TPTE2: variants seen among roughly 807,000 people sequenced by gnomAD.
TPTE2 encodes the protein transmembrane phosphoinositide 3-phosphatase and tensin homolog 2.
A neutral mutation model predicts 78.6 loss-of-function variants in TPTE2; 53 were observed. The ratio of observed to expected loss-of-function variants is 0.67; its 90% CI spans 0.54 to 0.85. The LOEUF (loss-of-function observed/expected upper bound fraction) is 0.85. Ranked by LOEUF, TPTE2 falls within the 40% of genes least tolerant of loss-of-function variation. TPTE2 has a pLI of 0.00. For synonymous variants in TPTE2, 175 were observed against 206.2 expected (o/e 0.85, Z 1.30); for missense variants, 461 against 623.0 (o/e 0.74, Z 2.77).
At chr13:19,451,829 G>C (rs1878205758) in intron 10 of TPTE2, among the ~76,000 whole-genome samples, 1 of 116,992 alleles carries the variant, frequency 8.5e-6, no homozygotes, top group African/African-American at 2.7e-5. Context: ...GTGTGTGTGT[G>C]TGTGTGTGTG....
chr13:19,509,747 T>TA (rs760564953), intron 1 of TPTE2, among the ~76,000 whole-genome samples: 7 of 151,958 alleles, frequency 4.6e-5, no homozygotes, highest in Non-Finnish European at 7.4e-5. Context: ...ATTGTGGTAA[T>TA]AAAAAAAGGT....
intron 11 of TPTE2, 133 bp downstream of exon 14, chr13:19,451,032 G>C (rs1213522698): frequency 2.7e-6 from 3 of 1,102,546 alleles, no homozygotes; most frequent in Non-Finnish European, 3.8e-6. Flanking sequence ...GTCCAAGATG[G>C]GGATTTTTAA....
At chr13:19,542,409 A>C in the TPTE2 span, among the ~76,000 whole-genome samples, 1 of 152,202 alleles carries the variant, frequency 6.6e-6, no homozygotes, top group Non-Finnish European at 1.5e-5. Context: ...TTTAAAAAAT[A>C]AATCTGGACA....
At chr13:19,516,650 C>T (rs1167291515) in intron 1 of TPTE2, among the ~76,000 whole-genome samples, 1 of 152,208 alleles carries the variant, frequency 6.6e-6, no homozygotes, top group Non-Finnish European at 1.5e-5. Context: ...AATGGGACCA[C>T]TGGGGCCCTT....
intron 1 of TPTE2, among the ~76,000 whole-genome samples, chr13:19,511,407 AATGT>A (rs1297748031): frequency 2.0e-5 from 3 of 152,248 alleles, no homozygotes; most frequent in Non-Finnish European, 4.4e-5. Flanking sequence ...AACACATATA[AATGT>A]ATATACTGTA....
At chr13:19,526,535 T>C (rs929424137) in intron 1 of TPTE2, among the ~76,000 whole-genome samples, 13 of 151,790 alleles carry the variant, frequency 8.6e-5, no homozygotes, top group Non-Finnish European at 1.3e-4. Flanking sequence ...TGGGCACAAA[T>C]ATGGGAACAA....
intron 1 of TPTE2, among the ~76,000 whole-genome samples, chr13:19,501,569 T>A (rs1335580921): frequency 6.6e-6 from 1 of 151,270 alleles, no homozygotes; most frequent in Non-Finnish European, 1.5e-5. Context: ...CCCTATTTAA[T>A]AAATGGTGCT....
At chr13:19,476,054 T>C (rs542630557) in intron 4 of TPTE2, among the ~76,000 whole-genome samples, 1 of 152,216 alleles carries the variant, frequency 6.6e-6, no homozygotes, top group South Asian at 2.1e-4. Context: ...GGAATGAGCA[T>C]AGGGAGAGTA....
chr13:19,431,549 T>G (rs186021044), intron 16 of TPTE2, among the ~76,000 whole-genome samples: 1 of 149,890 alleles, frequency 6.7e-6, no homozygotes, highest in African/African-American at 2.5e-5. Context: ...GTGTATTAAT[T>G]ATCTTTGATT....
intron 1 of TPTE2, among the ~76,000 whole-genome samples, chr13:19,531,222 C>A (rs969598887): frequency 1.3e-5 from 2 of 152,152 alleles, no homozygotes; most frequent in African/African-American, 2.4e-5. Flanking sequence ...TACATCTATA[C>A]CTCATTTTGT....
chr13:19,513,777 G>A (rs1869613857), intron 1 of TPTE2, among the ~76,000 whole-genome samples: 2 of 152,144 alleles, frequency 1.3e-5, no homozygotes, highest in South Asian at 2.1e-4. Context: ...CTTTATTACT[G>A]AACCAGATCA....
intron 1 of TPTE2, among the ~76,000 whole-genome samples, chr13:19,500,698 T>G (rs1223213713): frequency 4.6e-5 from 7 of 151,704 alleles, no homozygotes; most frequent in African/African-American, 1.7e-4. Flanking sequence ...AATATCATAC[T>G]GAATGGGCAA....
chr13:19,458,075 A>G (rs1414117473), intron 10 of TPTE2, among the ~76,000 whole-genome samples: 2 of 152,226 alleles, frequency 1.3e-5, no homozygotes, highest in Non-Finnish European at 2.9e-5. Flanking sequence ...ATATAAATAT[A>G]AAACCAATCT....
chr13:19,439,017 G>C (rs559803235), intron 13 of TPTE2, among the ~76,000 whole-genome samples: 6 of 152,254 alleles, frequency 3.9e-5, no homozygotes, highest in Middle Eastern at 3.4e-3. Context: ...GAGACTTTGT[G>C]GGGGAAAGAC....
chr13:19,501,658 G>A (rs1868566440), intron 1 of TPTE2, among the ~76,000 whole-genome samples: 2 of 151,860 alleles, frequency 1.3e-5, no homozygotes, highest in South Asian at 4.2e-4. Context: ...AATTCAAGAT[G>A]GATTAAAGAC....
At chr13:19,497,640 A>C (rs941452402) in intron 1 of TPTE2, among the ~76,000 whole-genome samples, 2 of 134,198 alleles carry the variant, frequency 1.5e-5, no homozygotes, top group African/African-American at 2.6e-5. Context: ...CACACCAAAA[A>C]CCCATCTGTA....
chr13:19,434,895 G>A (rs1231413375), intron 15 of TPTE2, among the ~76,000 whole-genome samples: 1 of 152,158 alleles, frequency 6.6e-6, no homozygotes, highest in Non-Finnish European at 1.5e-5. Flanking sequence ...TCAGTCCTTG[G>A]TTCAAAAGTT....
chr13:19,452,314 G>A lies in TPTE2; in HGVS notation c.742-1089C>T, dbSNP rs1424919967. The stretch of plus-strand genomic sequence containing the variant: ...TTCTTTGGATGAGGAAGAACTAAAG[G>A]TGTTGAATCAATGGAAGATCAATAG... On this transcript the variant is annotated intron_variant, in intron 10 of 19. Transcript: ENST00000400230. 3.9e-5 allele frequency among the ~76,000 whole-genome samples: 6 copies of A among 152,022 alleles called. No homozygotes were observed. The South Asian group carries it at 1.0e-3, about 26-fold the overall frequency.
At chr13:19,513,671 C>A (rs537432622) in intron 1 of TPTE2, among the ~76,000 whole-genome samples, 1 of 152,192 alleles carries the variant, frequency 6.6e-6, no homozygotes, top group Non-Finnish European at 1.5e-5. Context: ...GCACCTGGTA[C>A]TTCATTTTTC....
Sources: gnomAD v4.1 joint callset for allele counts (sites outside exome capture counted in the v4.1 genomes callset) on GRCh38, gnomAD v4.1.1 for gene constraint, MANE v1.5 for transcripts, NCBI Gene and HGNC (gene_info 2026-07-23, HGNC 2026-07-21) for gene names.